The following OPCML variants were observed in gnomAD, a reference collection of about 807,000 sequenced individuals.
The protein encoded by OPCML is opioid binding protein/cell adhesion molecule like.
OPCML carries 13 observed loss-of-function variants against 37.8 expected under a neutral mutation model. The ratio of observed to expected loss-of-function variants is 0.34; its 90% confidence interval spans 0.22 to 0.55. The LOEUF is 0.55. Ranked by LOEUF, OPCML falls within the 20% of genes least tolerant of loss-of-function variation. The pLI is 0.91. For synonymous variants in OPCML, 176 were observed against 168.8 expected (o/e 1.04, Z -0.33); for missense variants, 341 against 435.6 (o/e 0.78, Z 1.93).
chr11:132,602,934 C>T (rs193063421), intron 3 of OPCML, among the ~76,000 whole-genome samples: 29 of 152,320 alleles, frequency 1.9e-4, no homozygotes, highest in Admixed American at 1.8e-3. Flanking sequence ...TGGGGGTCCA[C>T]CTTGTGCTTT....
chr11:132,746,662 G>A (rs1192548664), intron 2 of OPCML, among the ~76,000 whole-genome samples: 1 of 152,174 alleles, frequency 6.6e-6, no homozygotes, highest in South Asian at 2.1e-4. Flanking sequence ...TCATCTCAGT[G>A]ATACTGATCT....
chr11:132,753,118 C>T (rs1031219760), intron 2 of OPCML, among the ~76,000 whole-genome samples: 1 of 152,094 alleles, frequency 6.6e-6, no homozygotes, highest in Non-Finnish European at 1.5e-5. Context: ...TCTGGCCCCA[C>T]AAGCCCTCCA....
chr11:133,520,011 C>A (rs1370963710), intron 1 of OPCML, among the ~76,000 whole-genome samples: 4 of 152,084 alleles, frequency 2.6e-5, no homozygotes, highest in Non-Finnish European at 5.9e-5. Context: ...GGCTCAGAGA[C>A]CTTTATGAAT....
At chr11:132,655,155 CT>C (rs1941643170) in intron 3 of OPCML, among the ~76,000 whole-genome samples, 1 of 152,234 alleles carries the variant, frequency 6.6e-6, no homozygotes, top group African/African-American at 2.4e-5. Context: ...AAGGGATAGG[CT>C]TGCTCTGTTT....
chr11:132,843,362 G>A (rs1941383778), intron 2 of OPCML, among the ~76,000 whole-genome samples: 1 of 152,008 alleles, frequency 6.6e-6, no homozygotes, highest in African/African-American at 2.4e-5. Flanking sequence ...GCCTCCCAAA[G>A]TGCTGGGATT....
chr11:132,910,394 G>A (rs999186355), intron 2 of OPCML, among the ~76,000 whole-genome samples: 3 of 152,214 alleles, frequency 2.0e-5, no homozygotes, highest in African/African-American at 4.8e-5. Context: ...GTAATTACAC[G>A]GCCGAGAGTC....
At chr11:132,437,522 G>A (rs931152948) in intron 4 of OPCML, 163 bp from the exon 5 acceptor site, 43 of 972,674 alleles carry the variant, frequency 4.4e-5, no homozygotes, top group East Asian at 1.1e-4. Context: ...CAAAAGATAC[G>A]GCAAAGGAAG....
At chr11:133,522,759 A>G (rs1948418865) in intron 1 of OPCML, among the ~76,000 whole-genome samples, 1 of 152,210 alleles carries the variant, frequency 6.6e-6, no homozygotes, top group Admixed American at 6.5e-5. Flanking sequence ...CAGGTAAGAC[A>G]CTCAGATGCC....
intron 1 of OPCML, among the ~76,000 whole-genome samples, chr11:133,439,628 C>T (rs533052051): frequency 3.3e-4 from 50 of 151,978 alleles, no homozygotes; most frequent in Middle Eastern, 3.4e-3. Flanking sequence ...CCACCATGCC[C>T]GGCTAATTTT....
intron 1 of OPCML, among the ~76,000 whole-genome samples, chr11:133,251,305 C>G (rs1941124660): frequency 6.6e-6 from 1 of 152,026 alleles, no homozygotes; most frequent in Non-Finnish European, 1.5e-5. Context: ...TATGGCAGGA[C>G]TGGGGATAGA....
chr11:133,373,785 G>T (rs991326459), intron 1 of OPCML, among the ~76,000 whole-genome samples: 4 of 152,066 alleles, frequency 2.6e-5, no homozygotes, highest in African/African-American at 9.7e-5. Context: ...TCTATAAGCT[G>T]CCTTTTCTCT....
At chr11:133,083,134 GCACACACACGCA>G (rs1321629298) in intron 1 of OPCML, among the ~76,000 whole-genome samples, 1 of 147,808 alleles carries the variant, frequency 6.8e-6, no homozygotes, top group Non-Finnish European at 1.5e-5. Flanking sequence ...CACACACCAC[GCACACACACGCA>G]CACACACACA....
At chr11:132,583,516 G>A (rs576435681) in intron 3 of OPCML, among the ~76,000 whole-genome samples, 117 of 152,104 alleles carry the variant, frequency 7.7e-4, no homozygotes, top group Admixed American at 1.2e-3. Flanking sequence ...GCTTATGCTG[G>A]TATTAAACTC....
intron 4 of OPCML, among the ~76,000 whole-genome samples, chr11:132,478,827 T>C (rs1169638998): frequency 6.6e-6 from 1 of 152,140 alleles, no homozygotes; most frequent in African/African-American, 2.4e-5. Flanking sequence ...AAAGGCTGCA[T>C]CCACCAGTGA....
chr11:133,219,466 T>C (rs1939722028), intron 1 of OPCML, among the ~76,000 whole-genome samples: 1 of 152,190 alleles, frequency 6.6e-6, no homozygotes, highest in African/African-American at 2.4e-5. Flanking sequence ...TAAAATAAAA[T>C]TAAATAACCA....
chr11:132,887,550 C>T (rs1337397870), intron 2 of OPCML, among the ~76,000 whole-genome samples: 4 of 152,150 alleles, frequency 2.6e-5, no homozygotes, highest in East Asian at 3.9e-4. Context: ...GACTCCAGCC[C>T]GGCCACCTAG....
chr11:133,355,936 G>A (rs1944279266), intron 1 of OPCML, among the ~76,000 whole-genome samples: 1 of 152,188 alleles, frequency 6.6e-6, no homozygotes, highest in Non-Finnish European at 1.5e-5. Flanking sequence ...TTTTCTGGTA[G>A]CATTAGAAGG....
chr11:132,610,446 A>G (rs1938570431), intron 3 of OPCML, among the ~76,000 whole-genome samples: 1 of 152,232 alleles, frequency 6.6e-6, no homozygotes, highest in South Asian at 2.1e-4. Context: ...CACTTACGAC[A>G]AAACACACTA....
intron 3 of OPCML, among the ~76,000 whole-genome samples, chr11:132,584,984 A>G (rs1015557452): frequency 1.9e-4 from 29 of 152,322 alleles, no homozygotes; most frequent in African/African-American, 7.0e-4. Context: ...CAGCCTTCAT[A>G]GGCTGTGATT....
Sources: gnomAD v4.1 joint callset for allele counts (sites outside exome capture counted in the v4.1 genomes callset) on GRCh38, gnomAD v4.1.1 for gene constraint, MANE v1.5 for transcripts, NCBI Gene and HGNC (gene_info 2026-07-23, HGNC 2026-07-21) for gene names.